CPNE4: variants seen among roughly 807,000 people sequenced by gnomAD.
CPNE4 encodes copine-4.
Under a neutral mutation model 67.9 loss-of-function variants are expected in CPNE4, and 25 were observed. The ratio of observed to expected loss-of-function variants is 0.37; its 90% CI spans 0.27 to 0.51. The LOEUF (loss-of-function observed/expected upper bound fraction) is 0.51. Ranked by LOEUF, CPNE4 falls within the 20% of genes least tolerant of loss-of-function variation. The pLI is 0.93. For missense variants in CPNE4, 464 were observed against 690.8 expected, an observed-to-expected ratio of 0.67 and a Z score of 3.68; for synonymous variants, 242 against 244.9, an observed-to-expected ratio of 0.99 and a Z score of 0.11.
At chr3:131,848,926 G>C (rs1352025776) in intron 2 of CPNE4, among the ~76,000 whole-genome samples, 4 of 113,074 alleles carry the variant, frequency 3.5e-5, no homozygotes, top group Non-Finnish European at 6.6e-5. Context: ...TTTCATCACA[G>C]CCTCACTGGT....
rs142231041 is a variant in CPNE4, at chr3:131,822,039, A to G, written c.180+83225T>C. Among the ~76,000 whole-genome samples the G allele has an allele frequency of 1.5e-3, 231 of 152,332 alleles. 1 individual carries two copies. Among genetic ancestry groups the G allele is most frequent in the African/African-American group, 5.4e-3 (225 of 41,566 alleles). ...AGTAATCTTGGGAGATTGCTTACAT[A>G]TACTCCTAATAACCAAGGTAGAGAA... On this transcript the variant is annotated intron_variant, in intron 2 of 15. Coordinates refer to ENST00000429747, the MANE Select transcript of CPNE4 (RefSeq NM_130808.3).
At chr3:131,836,270 G>A (rs1297307598) in intron 2 of CPNE4, among the ~76,000 whole-genome samples, 2 of 152,110 alleles carry the variant, frequency 1.3e-5, no homozygotes, top group Admixed American at 1.3e-4. Flanking sequence ...CTGACCAAGT[G>A]GGGTTCATTC....
chr3:131,974,746 G>A (rs1394951408), intron 1 of CPNE4, among the ~76,000 whole-genome samples: 2 of 152,180 alleles, frequency 1.3e-5, no homozygotes, highest in African/African-American at 2.4e-5. Context: ...AGTGGCTCAC[G>A]TATGTAATCC....
intron 7 of CPNE4, among the ~76,000 whole-genome samples, chr3:131,635,267 T>C (rs2079347193): frequency 1.3e-5 from 2 of 152,238 alleles, no homozygotes; most frequent in African/African-American, 4.8e-5. Context: ...TTTGTCACAC[T>C]ATTCTAATAA....
intron 2 of CPNE4, among the ~76,000 whole-genome samples, chr3:131,873,876 G>C (rs1262106052): frequency 6.6e-6 from 1 of 152,052 alleles, no homozygotes; most frequent in Non-Finnish European, 1.5e-5. Flanking sequence ...CCTTTCTCAG[G>C]CCATTCCTGA....
At chr3:131,690,664 A>C (rs541333667) in intron 5 of CPNE4, among the ~76,000 whole-genome samples, 1 of 152,104 alleles carries the variant, frequency 6.6e-6, no homozygotes, top group Admixed American at 6.5e-5. Context: ...CAAAAGCAAC[A>C]AAAACAAATT....
intron 7 of CPNE4, among the ~76,000 whole-genome samples, chr3:131,638,527 T>G (rs1246953960): frequency 6.6e-6 from 1 of 152,054 alleles, no homozygotes; most frequent in Non-Finnish European, 1.5e-5. Flanking sequence ...ACAAAACAAT[T>G]ACTCATACTA....
chr3:131,586,722 C>G (rs1273668095), intron 8 of CPNE4, among the ~76,000 whole-genome samples: 1 of 148,384 alleles, frequency 6.7e-6, no homozygotes, highest in Non-Finnish European at 1.5e-5. Flanking sequence ...GACTTTCTAT[C>G]TCTATCTGTC....
At chr3:131,887,809 G>A (rs1366042675) in intron 2 of CPNE4, among the ~76,000 whole-genome samples, 1 of 152,156 alleles carries the variant, frequency 6.6e-6, no homozygotes, top group Non-Finnish European at 1.5e-5. Flanking sequence ...TAGAACCTAT[G>A]ACAATAAGAT....
At chr3:131,802,950 G>C (rs2084183672) in intron 2 of CPNE4, among the ~76,000 whole-genome samples, 1 of 152,078 alleles carries the variant, frequency 6.6e-6, no homozygotes, top group Non-Finnish European at 1.5e-5. Context: ...TTGGGTTTTA[G>C]CATTCTGGCC....
intron 14 of CPNE4, among the ~76,000 whole-genome samples, chr3:131,547,357 G>A (rs953721914): frequency 1.3e-4 from 19 of 150,994 alleles, no homozygotes; most frequent in Admixed American, 1.1e-3. Flanking sequence ...TGGGAGGCTG[G>A]GGCCAGAGGA....
At chr3:131,546,484 A>G (rs988958496) in intron 14 of CPNE4, among the ~76,000 whole-genome samples, 3 of 152,128 alleles carry the variant, frequency 2.0e-5, no homozygotes, top group African/African-American at 7.2e-5. Context: ...CAAGTTTATG[A>G]CCCTTAGAGA....
intron 2 of CPNE4, among the ~76,000 whole-genome samples, chr3:131,797,017 A>G (rs1037248828): frequency 6.6e-6 from 1 of 152,216 alleles, no homozygotes; most frequent in African/African-American, 2.4e-5. Context: ...AGTCACCTGC[A>G]ACCTCTAGAC....
At chr3:131,612,564 CCT>C (rs1297067433) in intron 7 of CPNE4, among the ~76,000 whole-genome samples, 2 of 152,028 alleles carry the variant, frequency 1.3e-5, no homozygotes, top group African/African-American at 4.8e-5. Flanking sequence ...GAATCCTGTA[CCT>C]CTCTCTTGGC....
At chr3:131,777,928 C>T (rs1488116589) in intron 2 of CPNE4, among the ~76,000 whole-genome samples, 1 of 152,052 alleles carries the variant, frequency 6.6e-6, no homozygotes, top group African/African-American at 2.4e-5. Context: ...AATTTCACAG[C>T]TCTGGCATCA....
rs368876819 is a variant in CPNE4, at chr3:131,949,695, C to T, written c.-1-44251G>A. On this transcript the variant is annotated intron_variant, in intron 1 of 15. Coordinates refer to ENST00000429747, the MANE Select transcript of CPNE4 (RefSeq NM_130808.3). ...GATCAAATTATTATTTATACCTTTG[C>T]AAGGAAGCATTCCCTGACCATCCTA... Among the ~76,000 whole-genome samples, 19 of 152,262 alleles carry T rather than the reference C, an allele frequency of 1.2e-4. No homozygotes were observed. In the South Asian group the frequency reaches 3.1e-3, roughly 25 times the overall value.
intron 2 of CPNE4, among the ~76,000 whole-genome samples, chr3:131,870,319 A>G (rs1255861608): frequency 1.3e-5 from 2 of 152,186 alleles, no homozygotes; most frequent in Admixed American, 1.3e-4. Context: ...AGTTAAAAGG[A>G]TGACTAAGAT....
At chr3:131,573,489 G>A (rs73874122) in intron 10 of CPNE4, among the ~76,000 whole-genome samples, 5 of 151,992 alleles carry the variant, frequency 3.3e-5, no homozygotes, top group Admixed American at 6.6e-5. Context: ...TTTTTGTTGG[G>A]GCTGATTCTT....
chr3:131,938,893 C>T (rs1224593415), intron 1 of CPNE4, among the ~76,000 whole-genome samples: 2 of 152,068 alleles, frequency 1.3e-5, no homozygotes, highest in Non-Finnish European at 2.9e-5. Flanking sequence ...TGATGCTTAC[C>T]ATCACAACTA....
Sources: allele counts gnomAD v4.1 joint callset (sites outside exome capture counted in the v4.1 genomes callset), GRCh38; gene constraint gnomAD v4.1.1; transcripts MANE v1.5; gene names NCBI Gene and HGNC (gene_info 2026-07-23, HGNC 2026-07-21).